The following MICAL3 variants were observed in gnomAD, a reference collection of about 807,000 sequenced individuals.
The protein encoded by MICAL3 is [F-actin]-monooxygenase MICAL3.
A neutral mutation model predicts 207.4 loss-of-function variants in MICAL3; 62 were observed. That is an observed-to-expected ratio of 0.30 (90% CI 0.24 to 0.37). The LOEUF (loss-of-function observed/expected upper bound fraction) is 0.37. Among genes scored for constraint, MICAL3 ranks in the 10% least tolerant of loss-of-function variants. MICAL3 has a pLI of 1.00. For missense variants in MICAL3, 2,368 were observed against 2,635.6 expected, an observed-to-expected ratio of 0.90 and a Z score of 2.22; for synonymous variants, 1,077 against 1,069.3, an observed-to-expected ratio of 1.01 and a Z score of -0.14.
chr22:17,807,408 G>A (rs1418463394), intron 29 of MICAL3, among the ~76,000 whole-genome samples: 2 of 152,240 alleles, frequency 1.3e-5, no homozygotes, highest in Non-Finnish European at 2.9e-5. Context: ...AAATCTCCTT[G>A]CTGTGCTTGT....
intron 1 of MICAL3, among the ~76,000 whole-genome samples, chr22:17,973,528 C>T (rs576719294): frequency 2.4e-4 from 37 of 152,272 alleles, no homozygotes; most frequent in Admixed American, 1.2e-3. Flanking sequence ...CCCTTCCAGC[C>T]CCACTGTGGA....
intron 1 of MICAL3, among the ~76,000 whole-genome samples, chr22:17,946,584 T>TG (rs1313143713): frequency 6.6e-6 from 1 of 152,078 alleles, no homozygotes; most frequent in Admixed American, 6.5e-5. Flanking sequence ...GCCACACACA[T>TG]GCAGACAGAG....
intron 1 of MICAL3, among the ~76,000 whole-genome samples, chr22:18,013,895 G>A (rs1352922094): frequency 6.6e-6 from 1 of 151,626 alleles, no homozygotes; most frequent in African/African-American, 2.4e-5. Flanking sequence ...TGAACTCCTG[G>A]GCTCAAGCAA....
intron 19 of MICAL3, among the ~76,000 whole-genome samples, chr22:17,853,415 G>C (rs1925547471): frequency 6.6e-6 from 1 of 152,194 alleles, no homozygotes; most frequent in African/African-American, 2.4e-5. Flanking sequence ...CCCACAGCAG[G>C]CACAGGCCAG....
chr22:17,882,576 G>T (rs1043074516), intron 16 of MICAL3, among the ~76,000 whole-genome samples: 1 of 152,206 alleles, frequency 6.6e-6, no homozygotes. Flanking sequence ...CCAAATGCAT[G>T]ATTTAGAGCT....
chr22:18,017,365 T>C (rs1233853172), intron 1 of MICAL3, among the ~76,000 whole-genome samples: 1 of 146,964 alleles, frequency 6.8e-6, no homozygotes, highest in Non-Finnish European at 1.5e-5. Flanking sequence ...AGGTGCCTGA[T>C]ACCATGCCTG....
At chr22:17,834,797 A>G (rs1395606119) in intron 20 of MICAL3, among the ~76,000 whole-genome samples, 1 of 152,212 alleles carries the variant, frequency 6.6e-6, no homozygotes, top group Non-Finnish European at 1.5e-5. Flanking sequence ...TTGTGTTTTC[A>G]TTAATTTACT....
chr22:17,821,944 A>G (rs941518125), intron 24 of MICAL3, 86 bp downstream of exon 24: 23 of 1,527,490 alleles, frequency 1.5e-5, no homozygotes, highest in Admixed American at 1.8e-5. Context: ...TCTGCTCTGA[A>G]GCGCCTGGCC....
chr22:17,896,267 G>A lies in MICAL3; in HGVS notation c.1301C>T (p.Pro434Leu), dbSNP rs1176609027. ...TTACCTCTCTGCCAGCACTTCCAAA[G>A]GGCTCGTTCCTAGAGACCAACTTCG... ...MVRSWSLGTS[P>L]LEVLAERESI... The change falls in exon 9 of 32, where the codon CCT (proline) becomes CTT (leucine). Residue 434 changes from proline to leucine, a missense_variant. Pro to Leu is a moderately conservative substitution (Grantham distance 98, BLOSUM62 -3). This residue lies in a region of MICAL3 where 147 missense variants were observed against 137.7 expected (regional missense o/e 1.07). Transcript: ENST00000441493. The A allele has an allele frequency of 6.4e-7, 1 of 1,556,918 alleles. No individual in the cohort carries two copies. Among genetic ancestry groups the A allele is most frequent in the Admixed American group, 1.9e-5 (1 of 51,930 alleles).
intron 20 of MICAL3, 123 bp from the exon 21 acceptor site, chr22:17,832,230 A>G: frequency 7.9e-7 from 1 of 1,263,342 alleles, no homozygotes; most frequent in Non-Finnish European, 1.1e-6. Context: ...AGGCGGAGAG[A>G]GACAGGAGGG....
rs144861501 is a variant in MICAL3, at chr22:17,829,132, T to C, written c.3056-1351A>G. Among the ~76,000 whole-genome samples, 31 of 152,010 alleles carry C rather than the reference T, an allele frequency of 2.0e-4. No homozygotes were observed. The East Asian group carries it at 4.1e-3, about 20-fold the overall frequency. ...TCTCTATAGATGTTGCTGGTCTCTATAGATTTGTGGACTTTTTCTGAGGTG... is the reference window on the plus strand; with the variant it reads ...TCTCTATAGATGTTGCTGGTCTCTACAGATTTGTGGACTTTTTCTGAGGTG... On this transcript the variant is annotated intron_variant, in intron 21 of 31. Coordinates refer to ENST00000441493, the MANE Select transcript of MICAL3 (RefSeq NM_015241.3).
chr22:17,942,916 G>A (rs1466899649), intron 1 of MICAL3, among the ~76,000 whole-genome samples: 1 of 152,210 alleles, frequency 6.6e-6, no homozygotes, highest in Non-Finnish European at 1.5e-5. Context: ...GGTGAAAGCA[G>A]ATCTCATTGA....
chr22:17,905,348 A>G (rs146103615), intron 2 of MICAL3, among the ~76,000 whole-genome samples: 4 of 152,332 alleles, frequency 2.6e-5, no homozygotes, highest in African/African-American at 4.8e-5. Context: ...TTGTGTGCTA[A>G]TAAGAGTTCC....
At chr22:17,956,299 G>A (rs901205873) in intron 1 of MICAL3, among the ~76,000 whole-genome samples, 5 of 152,198 alleles carry the variant, frequency 3.3e-5, no homozygotes, top group Admixed American at 3.3e-4. Flanking sequence ...GGGATGGGGA[G>A]AAGAGCCCAG....
chr22:17,877,324 G>A lies in MICAL3; in HGVS notation c.2242-5301C>T, dbSNP rs111220780. Among the ~76,000 whole-genome samples the A allele has an allele frequency of 1.9e-4, 4 of 21,332 alleles. 1 individual carries two copies. Among genetic ancestry groups the A allele is most frequent in the African/African-American group, 6.6e-4 (3 of 4,542 alleles). 14.0% of individuals were successfully genotyped at this position (21,332 alleles called of 152,430 possible). On this transcript the variant is annotated intron_variant, in intron 16 of 31. Transcript: ENST00000441493. The stretch of plus-strand genomic sequence containing the variant: ...GAGGTTATGGAGGTTAGGGAGGTTA[G>A]GGAGGTTATGGAGGTTAGGGAGGTT...
chr22:18,016,237 GT>G (rs1483967044), intron 1 of MICAL3, among the ~76,000 whole-genome samples: 1 of 152,174 alleles, frequency 6.6e-6, no homozygotes, highest in Non-Finnish European at 1.5e-5. Flanking sequence ...GTATAATGGT[GT>G]TGTAATTTGC....
chr22:17,884,679 A>C (rs1929723535), intron 16 of MICAL3, among the ~76,000 whole-genome samples: 1 of 152,198 alleles, frequency 6.6e-6, no homozygotes, highest in Non-Finnish European at 1.5e-5. Flanking sequence ...CCCATCCAAA[A>C]TGAGGAAAGC....
Position 17,825,707 on chromosome 22 carries a change from C to CT in MICAL3, c.3193+1936dup, listed in dbSNP as rs1922108086. On this transcript the variant is annotated intron_variant, in intron 22 of 31. Transcript: ENST00000441493. Reference sequence around the variant, plus strand: ...CCCTTCCTCCAGCAGTGTCTGACAACTCGTGGAGGGATTTTTGGTGTCTTC... The same window carrying CT: ...CCCTTCCTCCAGCAGTGTCTGACAACTTCGTGGAGGGATTTTTGGTGTCTTC... Among the ~76,000 whole-genome samples the CT allele has an allele frequency of 2.0e-5, 3 of 152,338 alleles. No homozygotes were observed. In the Middle Eastern group the frequency reaches 0.01, roughly 518 times the overall value.
chr22:17,975,168 T>TA (rs1322821538), intron 1 of MICAL3, among the ~76,000 whole-genome samples: 3 of 152,190 alleles, frequency 2.0e-5, no homozygotes, highest in Non-Finnish European at 4.4e-5. Context: ...AAAATGGTTC[T>TA]AAGTTCTGCA....
Sources: allele counts gnomAD v4.1 joint callset (sites outside exome capture counted in the v4.1 genomes callset), GRCh38; gene constraint gnomAD v4.1.1; regional missense constraint gnomAD v4.1.1; transcripts MANE v1.5; gene names NCBI Gene and HGNC (gene_info 2026-07-23, HGNC 2026-07-21).